The following RFX1 variants were observed in gnomAD, a reference collection of about 807,000 sequenced individuals.
The protein encoded by RFX1 is MHC class II regulatory factor RFX1.
Under a neutral mutation model 119.6 loss-of-function variants are expected in RFX1, and 42 were observed. The observed-to-expected ratio is 0.35, with a 90% CI of 0.27 to 0.45. The LOEUF is 0.45. Ranked by LOEUF, RFX1 falls within the 20% of genes least tolerant of loss-of-function variation. The pLI is 1.00. For synonymous variants in RFX1, 628 were observed against 618.5 expected, an observed-to-expected ratio of 1.02 and a Z score of -0.23; for missense variants, 1,118 against 1,368.1, an observed-to-expected ratio of 0.82 and a Z score of 2.88.
At chr19:13,998,972 G>A (rs1174136641) in intron 1 of RFX1, among the ~76,000 whole-genome samples, 3 of 152,190 alleles carry the variant, frequency 2.0e-5, no homozygotes, top group African/African-American at 7.2e-5. Flanking sequence ...CTAAAAGGCT[G>A]AGCTCAAAAG....
chr19:13,972,595 A>T, intron 9 of RFX1, 148 bp downstream of exon 9: 1 of 629,976 alleles, frequency 1.6e-6, no homozygotes, highest in Non-Finnish European at 2.7e-6. Flanking sequence ...ACAGCATTCA[A>T]TCCCAGGACA....
Position 13,965,338 on chromosome 19 carries a change from G to T in RFX1, c.2211+111C>A. Reference sequence around the variant, plus strand: ...GGAGAAGGTCTCCCCTTCCTCCACAGGCATCATCCCTGGAACAGGCGTGGG... The same window carrying T: ...GGAGAAGGTCTCCCCTTCCTCCACATGCATCATCCCTGGAACAGGCGTGGG... On this transcript the variant is annotated intron_variant, in intron 16 of 20. Transcript: ENST00000254325. This position sits in a 1 kb window ranked among gnomAD's most constrained non-coding sequence, Gnocchi z 4.7. 1.1e-6 allele frequency: 1 copy of T among 928,634 alleles called. No homozygotes were observed. Among genetic ancestry groups the T allele is most frequent in the Non-Finnish European group, 1.7e-6 (1 of 589,448 alleles). The allele number at this position is 928,634 out of a possible 1,614,324, so 57.5% of individuals were successfully genotyped here.
intron 20 of RFX1, 39 bp downstream of exon 20, chr19:13,962,955 C>T (rs1482157532): frequency 1.6e-5 from 25 of 1,548,746 alleles, no homozygotes; most frequent in Non-Finnish European, 2.2e-5. Context: ...TCCGCCACCC[C>T]CGGGACCCGC....
chr19:13,975,315 T>C (rs572624789), intron 8 of RFX1, among the ~76,000 whole-genome samples: 3 of 150,774 alleles, frequency 2.0e-5, no homozygotes, highest in Admixed American at 1.3e-4. Flanking sequence ...TGAGCCAAGA[T>C]TGCACCATTG....
At chr19:13,963,446 A>G in intron 18 of RFX1, 92 bp downstream of exon 18, 1 of 1,442,124 alleles carries the variant, frequency 6.9e-7, no homozygotes, top group Non-Finnish European at 9.4e-7. Context: ...CCCAGCCTGC[A>G]GGCTCGGGTC....
chr19:13,981,879 T>C (rs982422332), intron 5 of RFX1, among the ~76,000 whole-genome samples: 1 of 152,060 alleles, frequency 6.6e-6, no homozygotes, highest in African/African-American at 2.4e-5. Context: ...ATCACCTCCT[T>C]CTCCCAGAGC....
rs1455033243 is a variant in RFX1 at position 13,962,471 on chromosome 19, G to A, written c.*224C>T. ...CGCGGGGCACCTGGGCACGCGGCGG[G>A]TTCCTTAAGGCACGTCTTTTGTGTC... On this transcript the variant is annotated 3_prime_UTR_variant, in exon 21 of 21. Transcript: ENST00000254325. The A allele has an allele frequency of 1.9e-6, 1 of 523,400 alleles. No homozygotes were observed. Among genetic ancestry groups the A allele is most frequent in the East Asian group, 3.5e-5 (1 of 28,534 alleles). 32.4% of individuals were successfully genotyped at this position (523,400 alleles called of 1,614,324 possible). A position where few individuals can be genotyped will look rare whatever the true frequency, so the allele number is the denominator to read the frequency against.
chr19:13,982,941 C>T, intron 4 of RFX1: 1 of 526,754 alleles, frequency 1.9e-6, no homozygotes, highest in East Asian at 3.3e-5. Context: ...ACCCGCAAAC[C>T]ACCTTCCCAA....
intron 1 of RFX1, among the ~76,000 whole-genome samples, chr19:13,996,833 C>T (rs751543499): frequency 8.0e-5 from 12 of 150,598 alleles, no homozygotes; most frequent in Non-Finnish European, 1.6e-4. Context: ...AAGTGATTCT[C>T]CTGCCTCAGC....
At chr19:13,983,409 G>A (rs772334050) in intron 3 of RFX1, 77 bp downstream of exon 3, 3 of 1,285,476 alleles carry the variant, frequency 2.3e-6, no homozygotes, top group Non-Finnish European at 3.3e-6. Context: ...GGGAGGGGAG[G>A]TGAGGCCCCC....
intron 1 of RFX1, among the ~76,000 whole-genome samples, chr19:13,996,540 C>T (rs1458911723): frequency 1.3e-5 from 2 of 152,104 alleles, no homozygotes; most frequent in Non-Finnish European, 2.9e-5. Context: ...TCCTGGCAGT[C>T]GTATGAGGGA....
chr19:13,978,634 C>T (rs1186434444), intron 7 of RFX1, among the ~76,000 whole-genome samples: 1 of 152,108 alleles, frequency 6.6e-6, no homozygotes, highest in Non-Finnish European at 1.5e-5. Context: ...GTCCCTAGAC[C>T]GACCCGTCGG....
At chr19:13,967,162 G>A (rs1313599096) in intron 12 of RFX1, among the ~76,000 whole-genome samples, 1 of 152,108 alleles carries the variant, frequency 6.6e-6, no homozygotes, top group African/African-American at 2.4e-5. Flanking sequence ...GATGCCCCTC[G>A]ACTCTGCTAG....
At chr19:13,993,316 A>C (rs1473126741) in intron 2 of RFX1, among the ~76,000 whole-genome samples, 1 of 152,072 alleles carries the variant, frequency 6.6e-6, no homozygotes, top group Non-Finnish European at 1.5e-5. Flanking sequence ...TAAAACCAAA[A>C]AAAGAAGCTC....
At position 13,990,539 on chromosome 19, in the gene RFX1, C is replaced by T. The variant is rs554915631; in HGVS notation, c.319+2986G>A. ...CTACAAAAAAATTAAAAGATTAGGC[C>T]GGGCGCGGTGGCTCACGCCTGTAAT... is the stretch of plus-strand genomic sequence containing the variant. On this transcript the variant is annotated intron_variant, in intron 2 of 20. Transcript: ENST00000254325. The surrounding 1 kb of genome is among the most constrained non-coding windows in gnomAD (Gnocchi z 4.1). 6.6e-5 allele frequency among the ~76,000 whole-genome samples: 10 copies of T among 151,678 alleles called. No homozygotes were observed. The highest frequency in any genetic ancestry group is 1.9e-4 in the East Asian group (1 of 5,140).
chr19:13,978,643 G>GTC (rs1974330669), intron 7 of RFX1, among the ~76,000 whole-genome samples: 2 of 152,136 alleles, frequency 1.3e-5, no homozygotes, highest in Non-Finnish European at 2.9e-5. Flanking sequence ...CCGACCCGTC[G>GTC]GGCGGAGGTG....
chr19:13,989,956 G>T (rs1229357250), intron 2 of RFX1, among the ~76,000 whole-genome samples: 1 of 152,142 alleles, frequency 6.6e-6, no homozygotes, highest in African/African-American at 2.4e-5. Context: ...GGCCTGGGAG[G>T]ATGAGAAAGC....
At position 13,969,025 on chromosome 19, in the gene RFX1, G is replaced by T; in HGVS notation, c.1497-131C>A. ...GAGAGACGCCTGCCCTGCAGAGACG[G>T]GGGTGCTGCACTGAGGAGGCACAGG... is the stretch of plus-strand genomic sequence containing the variant. On this transcript the variant is annotated intron_variant, in intron 10 of 20. Coordinates refer to ENST00000254325, the MANE Select transcript of RFX1 (RefSeq NM_002918.5). The surrounding 1 kb of genome is among the most constrained non-coding windows in gnomAD (Gnocchi z 4.5). 1 of 1,063,044 alleles carries T rather than the reference G, an allele frequency of 9.4e-7. No individual in the cohort carries two copies. Among genetic ancestry groups the T allele is most frequent in the African/African-American group, 1.6e-5 (1 of 63,588 alleles). The allele number at this position is 1,063,044 out of a possible 1,614,324, so 65.9% of individuals were successfully genotyped here.
Position 13,973,121 on chromosome 19 carries a change from G to A in RFX1, c.936C>T (p.Ser312=), listed in dbSNP as rs906410747. 1 of 1,597,464 alleles carries A rather than the reference G, an allele frequency of 6.3e-7. No individual in the cohort carries two copies. The highest frequency in any genetic ancestry group is 8.5e-7 in the Non-Finnish European group (1 of 1,179,076). The change falls in exon 9 of 21, where the codon TCC becomes TCT. Residue 312 remains serine (S), a synonymous_variant. Coordinates refer to ENST00000254325, the MANE Select transcript of RFX1 (RefSeq NM_002918.5). ...GCGTCTCGGGATAGGAGTAGGTGCT[G>A]GAACGGCTGGGAAAGAGGCAAAGCC... The part of the protein sequence containing the change: ...DASYTASAIR[S]STYSYPETPL...
Sources: allele counts gnomAD v4.1 joint callset (sites outside exome capture counted in the v4.1 genomes callset), GRCh38; gene constraint gnomAD v4.1.1; non-coding constraint Gnocchi (gnomAD v3.1); transcripts MANE v1.5; gene names NCBI Gene and HGNC (gene_info 2026-07-23, HGNC 2026-07-21).